Variants in ETV6 observed in about 807,000 individuals in gnomAD.
ETV6 encodes transcription factor ETV6.
In ETV6, 16 loss-of-function variants were observed where a neutral mutation model predicts 51.1. That is an observed-to-expected ratio of 0.31 (90% CI 0.21 to 0.48). The LOEUF (loss-of-function observed/expected upper bound fraction) is 0.48, where lower values mean the gene tolerates loss of function less well. Among genes scored for constraint, ETV6 ranks in the 20% least tolerant of loss-of-function variants. ETV6 has a pLI of 0.99. For missense variants in ETV6, 458 were observed against 594.8 expected, an observed-to-expected ratio of 0.77 and a Z score of 2.39; for synonymous variants, 240 against 224.1, an observed-to-expected ratio of 1.07 and a Z score of -0.64.
At chr12:11,798,861 G>C (rs775559746) in intron 2 of ETV6, among the ~76,000 whole-genome samples, 1 of 152,290 alleles carries the variant, frequency 6.6e-6, no homozygotes, top group Non-Finnish European at 1.5e-5. Context: ...GGAGATAGGA[G>C]TTAATTCAGT....
chr12:11,774,089 A>C (rs1390536470), intron 2 of ETV6, among the ~76,000 whole-genome samples: 1 of 152,240 alleles, frequency 6.6e-6, no homozygotes. Flanking sequence ...AGACCCAACC[A>C]CAAGGCCCAT....
chr12:11,836,978 G>A (rs908289437), intron 2 of ETV6, among the ~76,000 whole-genome samples: 22 of 152,270 alleles, frequency 1.4e-4, no homozygotes, highest in Non-Finnish European at 2.5e-4. Context: ...ACAAATCGCA[G>A]CGCCATTCTT....
chr12:11,790,936 C>T (rs1283845022), intron 2 of ETV6, among the ~76,000 whole-genome samples: 2 of 152,140 alleles, frequency 1.3e-5, no homozygotes, highest in African/African-American at 4.8e-5. Context: ...CCACCTTGGC[C>T]TCCCAAAGTG....
chr12:11,794,201 T>C (rs1039934928), intron 2 of ETV6, among the ~76,000 whole-genome samples: 4 of 152,092 alleles, frequency 2.6e-5, no homozygotes, highest in African/African-American at 9.7e-5. Flanking sequence ...TCCTGGACCT[T>C]AGTGTGGGCG....
chr12:11,868,714 T>C (rs1946828073), intron 4 of ETV6, among the ~76,000 whole-genome samples: 1 of 152,078 alleles, frequency 6.6e-6, no homozygotes, highest in African/African-American at 2.4e-5. Context: ...CTCCTAGAGT[T>C]AGAGAATATG....
At chr12:11,702,438 CA>C (rs558277584) in intron 1 of ETV6, among the ~76,000 whole-genome samples, 111 of 152,248 alleles carry the variant, frequency 7.3e-4, no homozygotes, top group Admixed American at 1.2e-3. Flanking sequence ...GCTTTCTACC[CA>C]ACTGGGCACT....
chr12:11,818,549 A>AAT (rs1233686819), intron 2 of ETV6, among the ~76,000 whole-genome samples: 1 of 151,328 alleles, frequency 6.6e-6, no homozygotes, highest in African/African-American at 2.4e-5. Flanking sequence ...AAAAAAAAAA[A>AAT]GCAATGGGAA....
At chr12:11,752,737 A>T in intron 2 of ETV6, 158 bp downstream of exon 2, 1 of 763,434 alleles carries the variant, frequency 1.3e-6, no homozygotes, top group South Asian at 2.8e-5. Flanking sequence ...ACCCCCAGAT[A>T]CCTTTGAAAA....
intron 1 of ETV6, among the ~76,000 whole-genome samples, chr12:11,748,715 C>T (rs991620719): frequency 6.6e-5 from 10 of 152,064 alleles, no homozygotes; most frequent in African/African-American, 2.4e-4. Flanking sequence ...CTGTATACAC[C>T]TATTTTACAG....
chr12:11,849,420 T>C (rs1219851133), intron 3 of ETV6, among the ~76,000 whole-genome samples: 1 of 152,170 alleles, frequency 6.6e-6, no homozygotes, highest in African/African-American at 2.4e-5. Flanking sequence ...CCAGATTCTT[T>C]TGTTAGTAAC....
At position 11,892,029 on chromosome 12, in the gene ETV6, G is replaced by A. The variant is rs1324374259; in HGVS notation, c.*983G>A. 8.5e-6 allele frequency: 2 copies of A among 234,084 alleles called. No homozygotes were observed. Among genetic ancestry groups the A allele is most frequent in the Non-Finnish European group, 1.7e-5 (2 of 118,630 alleles). The allele number at this position is 234,084 out of a possible 1,614,324, so 14.5% of individuals were successfully genotyped here. On this transcript the variant is annotated 3_prime_UTR_variant, in exon 8 of 8. Transcript: ENST00000396373. ...AGCTTGGGATTAGCTTGGGAGCGCA[G>A]CGCTGCAAAGTGGAAAATATGAAAA... is the stretch of plus-strand genomic sequence containing the variant.
At chr12:11,731,489 T>C (rs1311520215) in intron 1 of ETV6, among the ~76,000 whole-genome samples, 1 of 152,148 alleles carries the variant, frequency 6.6e-6, no homozygotes, top group African/African-American at 2.4e-5. Flanking sequence ...CTTTTAGACG[T>C]CTTTGGAGGT....
intron 2 of ETV6, among the ~76,000 whole-genome samples, chr12:11,837,690 G>A (rs1270931918): frequency 2.0e-5 from 3 of 152,228 alleles, no homozygotes; most frequent in African/African-American, 7.2e-5. Flanking sequence ...GCAAGTTTAA[G>A]TAACTTATAG....
intron 5 of ETV6, among the ~76,000 whole-genome samples, chr12:11,880,436 TA>T (rs1338252230): frequency 6.6e-6 from 1 of 152,200 alleles, no homozygotes; most frequent in African/African-American, 2.4e-5. Context: ...GATAAGTAGA[TA>T]ACATTCTAGG....
intron 4 of ETV6, among the ~76,000 whole-genome samples, chr12:11,857,474 C>G (rs923032558): frequency 6.6e-6 from 1 of 152,204 alleles, no homozygotes. Flanking sequence ...TTACACTTAC[C>G]TCTAGAAAAA....
intron 1 of ETV6, among the ~76,000 whole-genome samples, chr12:11,691,042 C>T (rs1406877547): frequency 6.6e-6 from 1 of 152,098 alleles, no homozygotes; most frequent in Non-Finnish European, 1.5e-5. Flanking sequence ...AGTCTGAGGT[C>T]AGGGTGCCCA....
At chr12:11,805,415 G>A (rs772213392) in intron 2 of ETV6, among the ~76,000 whole-genome samples, 11 of 152,154 alleles carry the variant, frequency 7.2e-5, no homozygotes, top group African/African-American at 1.2e-4. Context: ...TTAGTGGGAC[G>A]TCAGACAGGA....
intron 2 of ETV6, among the ~76,000 whole-genome samples, chr12:11,793,741 C>G (rs1463779601): frequency 6.6e-6 from 1 of 152,154 alleles, no homozygotes; most frequent in Non-Finnish European, 1.5e-5. Context: ...TCCTAGTTAC[C>G]TTGCGTAGCG....
intron 1 of ETV6, among the ~76,000 whole-genome samples, chr12:11,717,610 C>T (rs1380449643): frequency 2.6e-5 from 4 of 152,190 alleles, no homozygotes; most frequent in African/African-American, 4.8e-5. Flanking sequence ...CGACCTCATG[C>T]GCCTGCAAGT....
Sources: gnomAD v4.1 joint callset for allele counts (sites outside exome capture counted in the v4.1 genomes callset) on GRCh38, gnomAD v4.1.1 for gene constraint, MANE v1.5 for transcripts, NCBI Gene and HGNC (gene_info 2026-07-23, HGNC 2026-07-21) for gene names.